HIBADH: variants seen among roughly 807,000 people sequenced by gnomAD.
HIBADH encodes 3-hydroxyisobutyrate dehydrogenase, also known as 3-hydroxyisobutyrate dehydrogenase, mitochondrial.
Under a neutral mutation model 36.1 loss-of-function variants are expected in HIBADH, and 25 were observed. That is an observed-to-expected ratio of 0.69 (90% CI 0.50 to 0.97). HIBADH has a LOEUF of 0.97. HIBADH is among the 50% of genes least tolerant of loss of function. The pLI is 0.00. For synonymous variants in HIBADH, 160 were observed against 149.5 expected (o/e 1.07, Z -0.51); for missense variants, 421 against 418.0 (o/e 1.01, Z -0.06).
chr7:27,662,834 A>C lies in HIBADH; in HGVS notation c.-46T>G, dbSNP rs1360150980. The C allele has an allele frequency of 9.3e-6, 13 of 1,395,316 alleles. No homozygotes were observed. The Admixed American group carries it at 3.2e-4, about 35-fold the overall frequency. The allele number at this position is 1,395,316 out of a possible 1,614,324, so 86.4% of individuals were successfully genotyped here. A position where few individuals can be genotyped will look rare whatever the true frequency, so the allele number is the denominator to read the frequency against. ...CGCGGTGACCTCCGCCGCCTCCCGG[A>C]GGGCCCACAGACTGCGAGCGTGTGC... On this transcript the variant is annotated 5_prime_UTR_variant, in exon 1 of 8. Coordinates refer to ENST00000265395, the MANE Select transcript of HIBADH (RefSeq NM_152740.4).
In HIBADH at chr7:27,629,351, A is replaced by T. The variant is rs118079418; in HGVS notation, c.484+20T>A. On this transcript the variant is annotated intron_variant, in intron 4 of 7. Coordinates refer to ENST00000265395, the MANE Select transcript of HIBADH (RefSeq NM_152740.4). ...TTGACAAACATAAATAGGTTTGCAT[A>T]TATTTTAGCTACCACTTACCACCAG... 2 of 1,607,278 alleles carry T rather than the reference A, an allele frequency of 1.2e-6. No homozygotes were observed. Among genetic ancestry groups the T allele is most frequent in the Non-Finnish European group, 1.7e-6 (2 of 1,176,984 alleles).
chr7:27,581,283 G>A lies in HIBADH; in HGVS notation c.485-38183C>T, dbSNP rs183026058. 1.2e-4 allele frequency among the ~76,000 whole-genome samples: 18 copies of A among 152,266 alleles called. 1 individual carries two copies. Among genetic ancestry groups the A allele is most frequent in the African/African-American group, 4.3e-4 (18 of 41,566 alleles). On this transcript the variant is annotated intron_variant, in intron 4 of 7. Transcript: ENST00000265395. ...AAATGAACAGTTGGATTTGACCAGG[G>A]GTGGGGTCAAATTCAATAGAGGAAG... is the stretch of plus-strand genomic sequence containing the variant.
In HIBADH at chr7:27,609,017, T is replaced by C. The variant is rs571613256; in HGVS notation, c.484+20354A>G. Among the ~76,000 whole-genome samples, 42 of 152,328 alleles carry C rather than the reference T, an allele frequency of 2.8e-4. 1 individual carries two copies. The South Asian group carries it at 8.7e-3, about 32-fold the overall frequency. ...TTGGAAATTACAGTGCAATTAAAAT[T>C]TGGCCTTCAGGTCTGGAGATAAAGG... On this transcript the variant is annotated intron_variant, in intron 4 of 7. Coordinates refer to ENST00000265395, the MANE Select transcript of HIBADH (RefSeq NM_152740.4).
Position 27,531,200 on chromosome 7 carries a change from T to C in HIBADH, c.844A>G (p.Met282Val), listed in dbSNP as rs754420248. The C allele has an allele frequency of 1.9e-6, 3 of 1,613,254 alleles. No homozygotes were observed. The highest frequency in any genetic ancestry group is 1.7e-5 in the Admixed American group (1 of 59,918). ...NYQGGFGTTLMAKDLGLAQDS... is the reference protein window; with the variant it reads ...NYQGGFGTTLVAKDLGLAQDS... The stretch of plus-strand genomic sequence containing the variant: ...GTCTACATTTACCATACCTTAGCCA[T>C]GAGTGTTGTTCCAAATCCACCCTGA... Residue 282 changes from methionine (M) to valine (V), a missense_variant, in exon 7 of 8, where the codon ATG becomes GTG. By Grantham distance (21) the Met-to-Val change is conservative. Transcript: ENST00000265395.
intron 4 of HIBADH, among the ~76,000 whole-genome samples, chr7:27,593,947 C>T (rs940279736): frequency 1.3e-5 from 2 of 150,714 alleles, no homozygotes; most frequent in East Asian, 2.0e-4. Flanking sequence ...GGTATGAACC[C>T]GGGAGGCGGA....
At chr7:27,605,651 T>C (rs1473019317) in intron 4 of HIBADH, among the ~76,000 whole-genome samples, 1 of 56,822 alleles carries the variant, frequency 1.8e-5, no homozygotes, top group Admixed American at 1.9e-4. Context: ...AAATGAAAAA[T>C]AGCAATCCCC....
chr7:27,617,733 T>C (rs747344371), intron 4 of HIBADH, among the ~76,000 whole-genome samples: 8 of 152,184 alleles, frequency 5.3e-5, no homozygotes, highest in Non-Finnish European at 1.2e-4. Context: ...CAATGGACTG[T>C]TGCGATATGA....
At chr7:27,567,217 G>C (rs1467370147) in intron 4 of HIBADH, among the ~76,000 whole-genome samples, 1 of 151,596 alleles carries the variant, frequency 6.6e-6, no homozygotes, top group Admixed American at 6.6e-5. Context: ...TCTATTATTA[G>C]GTACCTACAA....
At chr7:27,565,345 G>A (rs757074604) in intron 4 of HIBADH, among the ~76,000 whole-genome samples, 1 of 152,134 alleles carries the variant, frequency 6.6e-6, no homozygotes, top group Non-Finnish European at 1.5e-5. Context: ...GGCCTTGTGT[G>A]GTGTGACACG....
Position 27,530,895 on chromosome 7 carries a change from C to T in HIBADH, c.852+297G>A, listed in dbSNP as rs1783986737. Among the ~76,000 whole-genome samples, 5 of 151,892 alleles carry T rather than the reference C, an allele frequency of 3.3e-5. No homozygotes were observed. In the South Asian group the frequency reaches 1.0e-3, roughly 32 times the overall value. The stretch of plus-strand genomic sequence containing the variant: ...TAAATTAACATAAATTAATGGTGAA[C>T]GAAATTTTACCGGCTCATATAAATA... On this transcript the variant is annotated intron_variant, in intron 7 of 7. Transcript: ENST00000265395.
At position 27,658,928 on chromosome 7, in the gene HIBADH, C is replaced by T. The variant is rs1786361350; in HGVS notation, c.91+3770G>A. ...AGTCAACTTATTTTAGTAATAAATA[C>T]GCTCCTTATGTAATTTCACAAGTTT... On this transcript the variant is annotated intron_variant, in intron 1 of 7. Coordinates refer to ENST00000265395, the MANE Select transcript of HIBADH (RefSeq NM_152740.4). Among the ~76,000 whole-genome samples the T allele has an allele frequency of 3.9e-5, 6 of 152,218 alleles. No individual in the cohort carries two copies. The South Asian group carries it at 8.3e-4, about 21-fold the overall frequency.
chr7:27,569,412 G>A (rs916866433), intron 4 of HIBADH, among the ~76,000 whole-genome samples: 2 of 152,056 alleles, frequency 1.3e-5, no homozygotes, highest in African/African-American at 2.4e-5. Flanking sequence ...AAGATGCTAT[G>A]AGACTCTGGG....
Position 27,538,339 on chromosome 7 carries a change from A to AC in HIBADH, c.695+1dup. Reference sequence around the variant, plus strand: ...AGTATAAAAACGTACTATTCAACAAACCTGATTCCAAGATTCATAGCTTCA... The same window carrying AC: ...AGTATAAAAACGTACTATTCAACAAACCCTGATTCCAAGATTCATAGCTTCA... On this transcript the variant is annotated splice_donor_variant, in intron 6 of 7. Coordinates refer to ENST00000265395, the MANE Select transcript of HIBADH (RefSeq NM_152740.4). LOFTEE classifies it high-confidence loss of function. 1.2e-6 allele frequency: 2 copies of AC among 1,610,032 alleles called. No individual in the cohort carries two copies. Among genetic ancestry groups the AC allele is most frequent in the Non-Finnish European group, 1.7e-6 (2 of 1,177,024 alleles).
At chr7:27,557,715 G>C (rs1395808114) in intron 4 of HIBADH, among the ~76,000 whole-genome samples, 1 of 152,064 alleles carries the variant, frequency 6.6e-6, no homozygotes, top group Non-Finnish European at 1.5e-5. Context: ...TCTTATAAGG[G>C]GGCCTAATCC....
At chr7:27,539,011 A>G (rs556272301) in intron 5 of HIBADH, among the ~76,000 whole-genome samples, 1 of 152,280 alleles carries the variant, frequency 6.6e-6, no homozygotes, top group East Asian at 1.9e-4. Context: ...ATTGTTTAAT[A>G]TGCCTGTGTT....
At chr7:27,661,463 C>T (rs1257178591) in intron 1 of HIBADH, among the ~76,000 whole-genome samples, 1 of 151,894 alleles carries the variant, frequency 6.6e-6, no homozygotes, top group African/African-American at 2.4e-5. Context: ...TGGCACATGC[C>T]TGTAATCCCA....
Position 27,571,446 on chromosome 7 carries a change from A to T in HIBADH, c.485-28346T>A, listed in dbSNP as rs369537510. 5.3e-5 allele frequency among the ~76,000 whole-genome samples: 8 copies of T among 152,248 alleles called. No individual in the cohort carries two copies. In the East Asian group the frequency reaches 1.5e-3, roughly 29 times the overall value. Reference sequence around the variant, plus strand: ...CTCCATGTTGGTCAGGCTGGTCTCAAACTCCTGACCTCAGGTGATCCACTT... The same window carrying T: ...CTCCATGTTGGTCAGGCTGGTCTCATACTCCTGACCTCAGGTGATCCACTT... On this transcript the variant is annotated intron_variant, in intron 4 of 7. Coordinates refer to ENST00000265395, the MANE Select transcript of HIBADH (RefSeq NM_152740.4).
chr7:27,619,906 A>C (rs1476725167), intron 4 of HIBADH, among the ~76,000 whole-genome samples: 1 of 152,226 alleles, frequency 6.6e-6, no homozygotes, highest in Non-Finnish European at 1.5e-5. Context: ...ATGAAAGAAT[A>C]GGTGAAAACT....
chr7:27,557,198 AG>A (rs1458873902), intron 4 of HIBADH, among the ~76,000 whole-genome samples: 2 of 151,796 alleles, frequency 1.3e-5, no homozygotes, highest in African/African-American at 4.8e-5. Flanking sequence ...GATGAGCTTA[AG>A]GTTTTTTTTT....
Sources: allele counts gnomAD v4.1 joint callset (sites outside exome capture counted in the v4.1 genomes callset), GRCh38; gene constraint gnomAD v4.1.1; transcripts MANE v1.5; gene names NCBI Gene and HGNC (gene_info 2026-07-23, HGNC 2026-07-21).